Variants in SLC24A2 observed in about 807,000 individuals in gnomAD.
SLC24A2 encodes solute carrier family 24 member 2, also known as sodium/potassium/calcium exchanger 2.
Under a neutral mutation model 62.0 loss-of-function variants are expected in SLC24A2, and 36 were observed. That is an observed-to-expected ratio of 0.58 (90% confidence interval 0.44 to 0.77). SLC24A2 has a LOEUF of 0.77. SLC24A2 is among the 30% of genes least tolerant of loss of function. SLC24A2 has a pLI of 0.00. For synonymous variants in SLC24A2, 358 were observed against 294.0 expected (o/e 1.22, Z -2.23); for missense variants, 846 against 817.9 (o/e 1.03, Z -0.42).
intron 2 of SLC24A2, among the ~76,000 whole-genome samples, chr9:19,751,849 T>C (rs1415130374): frequency 1.3e-5 from 2 of 152,194 alleles, no homozygotes; most frequent in African/African-American, 4.8e-5. Context: ...AACTTGGCAG[T>C]GCACTTTACC....
At chr9:20,061,163 G>T in the SLC24A2 span, among the ~76,000 whole-genome samples, 3 of 151,898 alleles carry the variant, frequency 2.0e-5, no homozygotes, top group Admixed American at 1.3e-4. Context: ...CAATTTTGAA[G>T]AAAAACAAAG....
At chr9:19,774,740 T>C (rs1298206980) in intron 2 of SLC24A2, among the ~76,000 whole-genome samples, 1 of 152,170 alleles carries the variant, frequency 6.6e-6, no homozygotes, top group East Asian at 1.9e-4. Context: ...CATCTGGCCC[T>C]TTCCAAGAAG....
chr9:20,162,359 A>G, the SLC24A2 span, among the ~76,000 whole-genome samples: 1 of 151,822 alleles, frequency 6.6e-6, no homozygotes, highest in Non-Finnish European at 1.5e-5. Flanking sequence ...TACCAAAAAA[A>G]GTTCTAAACT....
chr9:20,281,371 G>C, the SLC24A2 span, among the ~76,000 whole-genome samples: 1 of 151,928 alleles, frequency 6.6e-6, no homozygotes, highest in East Asian at 1.9e-4. Flanking sequence ...ATATCATTAG[G>C]ATAGAGCTTG....
intron 8 of SLC24A2, among the ~76,000 whole-genome samples, chr9:19,546,859 TG>T (rs1273431380): frequency 1.3e-5 from 2 of 152,196 alleles, no homozygotes; most frequent in African/African-American, 4.8e-5. Context: ...GCAAAGACTG[TG>T]GGAAAAGCAC....
At chr9:19,842,853 T>C in the SLC24A2 span, among the ~76,000 whole-genome samples, 1 of 152,226 alleles carries the variant, frequency 6.6e-6, no homozygotes, top group East Asian at 1.9e-4. Context: ...AAGCTTCCAC[T>C]AAGCTCCCAA....
intron 2 of SLC24A2, among the ~76,000 whole-genome samples, chr9:19,634,752 C>T (rs967926625): frequency 2.6e-5 from 4 of 152,042 alleles, no homozygotes; most frequent in African/African-American, 4.8e-5. Flanking sequence ...TTTAGGGAAA[C>T]CTGGAGCTTT....
At chr9:20,208,768 A>G in the SLC24A2 span, among the ~76,000 whole-genome samples, 5 of 152,232 alleles carry the variant, frequency 3.3e-5, no homozygotes, top group African/African-American at 1.2e-4. Flanking sequence ...CAAGAGAGTC[A>G]TGACCGTGTT....
rs796955491 is a variant in SLC24A2, at chr9:19,513,160, A to ATATATATATATATATG, written c.*2977_*2992dup. 4.9e-5 allele frequency: 3 copies of ATATATATATATATATG among 61,146 alleles called. No homozygotes were observed. The highest frequency in any genetic ancestry group is 1.1e-4 in the Non-Finnish European group (3 of 28,504). The allele number at this position is 61,146 out of a possible 1,614,324, so 3.8% of individuals were successfully genotyped here. ...ATATAGATCTGGTATAAAGATATATATATATATATATATATGTATATATAT... is the reference window on the plus strand; with the variant it reads ...ATATAGATCTGGTATAAAGATATATATATATATATATATATGTATATATATATATATGTATATATAT... On this transcript the variant is annotated 3_prime_UTR_variant, in exon 11 of 11. Transcript: ENST00000341998.
At chr9:19,562,269 C>T (rs1835442571) in intron 7 of SLC24A2, among the ~76,000 whole-genome samples, 1 of 152,148 alleles carries the variant, frequency 6.6e-6, no homozygotes, top group South Asian at 2.1e-4. Context: ...TTCATCTTAT[C>T]AACTGGATTA....
intron 8 of SLC24A2, among the ~76,000 whole-genome samples, chr9:19,542,718 G>C (rs946046203): frequency 6.6e-6 from 1 of 152,186 alleles, no homozygotes; most frequent in African/African-American, 2.4e-5. Context: ...CATTGGTTCT[G>C]TGTATGTGAT....
chr9:20,149,828 C>T, the SLC24A2 span, among the ~76,000 whole-genome samples: 1 of 151,982 alleles, frequency 6.6e-6, no homozygotes. Context: ...GAAAAAATTG[C>T]CAAGGGACAC....
At chr9:19,906,657 T>C in the SLC24A2 span, among the ~76,000 whole-genome samples, 2 of 151,942 alleles carry the variant, frequency 1.3e-5, no homozygotes, top group Admixed American at 6.6e-5. Flanking sequence ...TCACCACCGA[T>C]CCCACAGAAA....
At chr9:19,561,742 C>A (rs1338793907) in intron 7 of SLC24A2, among the ~76,000 whole-genome samples, 1 of 151,950 alleles carries the variant, frequency 6.6e-6, no homozygotes, top group Non-Finnish European at 1.5e-5. Flanking sequence ...AAACAGACTT[C>A]TTAAAAATGA....
intron 2 of SLC24A2, among the ~76,000 whole-genome samples, chr9:19,694,400 T>C (rs1820127036): frequency 6.6e-6 from 1 of 152,178 alleles, no homozygotes; most frequent in Non-Finnish European, 1.5e-5. Context: ...TCTAAATAAT[T>C]TGTTAACCGG....
At chr9:19,964,762 G>A in the SLC24A2 span, among the ~76,000 whole-genome samples, 9 of 152,332 alleles carry the variant, frequency 5.9e-5, no homozygotes, top group Middle Eastern at 3.4e-3. Flanking sequence ...CTTTGTTGGC[G>A]TGAAGCAGCA....
the SLC24A2 span, among the ~76,000 whole-genome samples, chr9:19,955,388 T>TG: frequency 4.1e-3 from 614 of 151,308 alleles, 6 homozygotes; most frequent in South Asian, 0.033. Flanking sequence ...TTTTTTTTTT[T>TG]TTTGTTTTCC....
the SLC24A2 span, among the ~76,000 whole-genome samples, chr9:20,272,551 G>C: frequency 6.6e-6 from 1 of 152,138 alleles, no homozygotes; most frequent in Non-Finnish European, 1.5e-5. Flanking sequence ...TTGTAATAAG[G>C]TCATCGTCTC....
intron 2 of SLC24A2, among the ~76,000 whole-genome samples, chr9:19,639,127 A>G (rs1818430646): frequency 9.8e-5 from 1 of 10,204 alleles, no homozygotes; most frequent in South Asian, 3.8e-3. Context: ...CCCAACAACA[A>G]CAAAAATTCT....
Sources: allele counts gnomAD v4.1 joint callset (sites outside exome capture counted in the v4.1 genomes callset), GRCh38; gene constraint gnomAD v4.1.1; transcripts MANE v1.5; gene names NCBI Gene and HGNC (gene_info 2026-07-23, HGNC 2026-07-21).